Variants in KCND3 observed in about 807,000 individuals in gnomAD.
The protein encoded by KCND3 is A-type voltage-gated potassium channel KCND3.
Under a neutral mutation model 51.1 loss-of-function variants are expected in KCND3, and 9 were observed. The observed-to-expected ratio is 0.18, with a 90% confidence interval of 0.11 to 0.31. The LOEUF (loss-of-function observed/expected upper bound fraction) is 0.31, where lower values mean the gene tolerates loss of function less well. Ranked by LOEUF, KCND3 falls within the 10% of genes least tolerant of loss-of-function variation. The probability of loss-of-function intolerance (pLI) is 1.00; values close to 1 mark genes in which losing one functional copy is unlikely to be tolerated. For missense variants in KCND3, 526 were observed against 903.8 expected, an observed-to-expected ratio of 0.58 and a Z score of 5.36; for synonymous variants, 349 against 368.0, an observed-to-expected ratio of 0.95 and a Z score of 0.59.
At chr1:111,934,659 T>C (rs953076498) in intron 2 of KCND3, among the ~76,000 whole-genome samples, 8 of 152,216 alleles carry the variant, frequency 5.3e-5, no homozygotes, top group Non-Finnish European at 1.0e-4. Flanking sequence ...TTTGGTATGT[T>C]TGTGCATGTG....
At chr1:111,828,440 T>C (rs888264485) in intron 2 of KCND3, among the ~76,000 whole-genome samples, 2 of 152,204 alleles carry the variant, frequency 1.3e-5, no homozygotes, top group Non-Finnish European at 2.9e-5. Context: ...GCATCTCCCA[T>C]TAGTCACCAG....
intron 2 of KCND3, among the ~76,000 whole-genome samples, chr1:111,958,341 G>C (rs942922125): frequency 4.6e-5 from 7 of 152,192 alleles, no homozygotes; most frequent in African/African-American, 9.7e-5. Context: ...CTGAGCTGCA[G>C]CCAAGGTAGG....
chr1:111,969,695 T>C (rs1345062659), intron 2 of KCND3, among the ~76,000 whole-genome samples: 2 of 152,356 alleles, frequency 1.3e-5, no homozygotes, highest in Non-Finnish European at 2.9e-5. Flanking sequence ...TCATCTCACA[T>C]GTCAGGGTGA....
intron 2 of KCND3, among the ~76,000 whole-genome samples, chr1:111,849,269 A>G (rs12239848): frequency 0.056 from 8,564 of 152,304 alleles, 405 homozygotes; most frequent in African/African-American, 0.12. Flanking sequence ...CCTGGTGAGC[A>G]GAAGACAGAG....
intron 2 of KCND3, among the ~76,000 whole-genome samples, chr1:111,932,992 C>T (rs1179159491): frequency 2.0e-5 from 3 of 152,190 alleles, no homozygotes; most frequent in African/African-American, 4.8e-5. Flanking sequence ...AAAATCTCAT[C>T]TTAAATTGTA....
At chr1:111,809,433 C>T (rs1244273403) in intron 2 of KCND3, among the ~76,000 whole-genome samples, 3 of 151,976 alleles carry the variant, frequency 2.0e-5, no homozygotes, top group African/African-American at 4.8e-5. Context: ...CTCAGCCTTC[C>T]GAGTACCTGG....
intron 2 of KCND3, among the ~76,000 whole-genome samples, chr1:111,849,287 C>T (rs992091370): frequency 6.6e-6 from 1 of 152,252 alleles, no homozygotes; most frequent in Non-Finnish European, 1.5e-5. Flanking sequence ...GAGGCTGTGA[C>T]CTGGCCAGCC....
At chr1:111,848,125 G>A (rs1458221577) in intron 2 of KCND3, among the ~76,000 whole-genome samples, 2 of 152,228 alleles carry the variant, frequency 1.3e-5, no homozygotes, top group Non-Finnish European at 2.9e-5. Flanking sequence ...CATATGCCTT[G>A]TCTCGAGCAG....
chr1:111,866,318 G>C (rs1285605938), intron 2 of KCND3, among the ~76,000 whole-genome samples: 1 of 139,614 alleles, frequency 7.2e-6, no homozygotes, highest in African/African-American at 2.7e-5. Context: ...TGGATGGAGC[G>C]CAGTGGGGCG....
rs369047161 is a variant in KCND3, at chr1:111,786,930, C to T, written c.1269+14G>A. On this transcript the variant is annotated intron_variant, in intron 3 of 7. Transcript: ENST00000302127. ...CCTTTACACTGCCCCCGCTTCCCTGCGTCTGAGGCTTACCTTTTGTGCCCT... is the reference window on the plus strand; with the variant it reads ...CCTTTACACTGCCCCCGCTTCCCTGTGTCTGAGGCTTACCTTTTGTGCCCT... The T allele has an allele frequency of 5.0e-6, 8 of 1,613,906 alleles. No homozygotes were observed. The Admixed American group carries it at 5.0e-5, about 10-fold the overall frequency.
At chr1:111,838,436 T>C (rs1667170197) in intron 2 of KCND3, among the ~76,000 whole-genome samples, 1 of 152,068 alleles carries the variant, frequency 6.6e-6, no homozygotes, top group African/African-American at 2.4e-5. Context: ...GGCGGGCGGA[T>C]CACGAGGTCA....
rs1434032687 is a variant in KCND3, at chr1:111,900,034, C to T, written c.1106+81587G>A. Among the ~76,000 whole-genome samples, 3 of 152,276 alleles carry T rather than the reference C, an allele frequency of 2.0e-5. No homozygotes were observed. In the East Asian group the frequency reaches 5.8e-4, roughly 29 times the overall value. On this transcript the variant is annotated intron_variant, in intron 2 of 7. Coordinates refer to ENST00000302127, the MANE Select transcript of KCND3 (RefSeq NM_001378969.1). The stretch of plus-strand genomic sequence containing the variant: ...GTAGTAGAATCAACTTGGCGCCACA[C>T]AGGAGTGCAGTGTTAGATACTGTGT...
intron 2 of KCND3, among the ~76,000 whole-genome samples, chr1:111,838,792 A>G (rs1042556188): frequency 3.3e-5 from 5 of 152,224 alleles, no homozygotes; most frequent in Non-Finnish European, 7.3e-5. Context: ...CACTTGGGAA[A>G]AAGGGCTGGC....
At chr1:111,929,099 G>C (rs187288361) in intron 2 of KCND3, among the ~76,000 whole-genome samples, 4 of 152,324 alleles carry the variant, frequency 2.6e-5, no homozygotes, top group Admixed American at 2.6e-4. Flanking sequence ...CAAGCACCTG[G>C]TGTAATAATT....
rs549967356 is a variant in KCND3, at chr1:111,789,368, T to C, written c.1107-2262A>G. On this transcript the variant is annotated intron_variant, in intron 2 of 7. Transcript: ENST00000302127. Reference sequence around the variant, plus strand: ...TGCATCTTGGAGAGGCTGGAACAAATGCCAAAAAGAAGGATCCAGAGCTTA... The same window carrying C: ...TGCATCTTGGAGAGGCTGGAACAAACGCCAAAAAGAAGGATCCAGAGCTTA... 1.3e-5 allele frequency among the ~76,000 whole-genome samples: 2 copies of C among 152,030 alleles called. 1 individual carries two copies. Among genetic ancestry groups the C allele is most frequent in the African/African-American group, 4.8e-5 (2 of 41,480 alleles).
chr1:111,825,819 T>C (rs1316578246), intron 2 of KCND3, among the ~76,000 whole-genome samples: 1 of 152,246 alleles, frequency 6.6e-6, no homozygotes, highest in Non-Finnish European at 1.5e-5. Flanking sequence ...ATTCTGATTC[T>C]TTCTAATTTT....
intron 2 of KCND3, among the ~76,000 whole-genome samples, chr1:111,927,917 C>T (rs1557724452): frequency 6.6e-6 from 1 of 152,168 alleles, no homozygotes. Flanking sequence ...ATGTCTGGGA[C>T]GTTCCTCTTC....
intron 2 of KCND3, among the ~76,000 whole-genome samples, chr1:111,850,166 C>G (rs866928533): frequency 2.0e-5 from 3 of 152,168 alleles, no homozygotes; most frequent in African/African-American, 7.2e-5. Context: ...CCAATCCCTG[C>G]CCAAAAATGT....
At chr1:111,895,233 G>A (rs571464398) in intron 2 of KCND3, among the ~76,000 whole-genome samples, 1 of 150,038 alleles carries the variant, frequency 6.7e-6, no homozygotes, top group East Asian at 2.0e-4. Flanking sequence ...AGGAGGGAAG[G>A]ATGATTCTAC....
Sources: allele counts gnomAD v4.1 joint callset (sites outside exome capture counted in the v4.1 genomes callset), GRCh38; gene constraint gnomAD v4.1.1; transcripts MANE v1.5; gene names NCBI Gene and HGNC (gene_info 2026-07-23, HGNC 2026-07-21).